The following MACF1 variants were observed in gnomAD, a reference collection of about 807,000 sequenced individuals.
MACF1 encodes the protein microtubule-actin cross-linking factor 1.
A neutral mutation model predicts 854.8 loss-of-function variants in MACF1; 193 were observed. The ratio of observed to expected loss-of-function variants is 0.23; its 90% CI spans 0.20 to 0.25. The LOEUF is 0.25. Ranked by LOEUF, MACF1 falls within the 10% of genes least tolerant of loss-of-function variation. MACF1 has a pLI of 1.00. For missense variants in MACF1, 7,722 were observed against 8,929.1 expected (o/e 0.86, Z 5.45); for synonymous variants, 3,185 against 3,226.7 (o/e 0.99, Z 0.44).
chr1:39,410,856 G>A, intron 58 of MACF1: 1 of 1,614,036 alleles, frequency 6.2e-7, no homozygotes, highest in Non-Finnish European at 8.5e-7. Flanking sequence ...TGGAACATGT[G>A]TCCAAATCCA....
chr1:39,236,566 C>G (rs544595862), intron 2 of MACF1, among the ~76,000 whole-genome samples: 1 of 152,248 alleles, frequency 6.6e-6, no homozygotes, highest in African/African-American at 2.4e-5. Flanking sequence ...TATCTTTCAG[C>G]TATATTATCA....
At chr1:39,304,251 C>G in intron 23 of MACF1, 1 of 457,476 alleles carries the variant, frequency 2.2e-6, no homozygotes, top group African/African-American at 2.1e-5. Flanking sequence ...TCTCATTGTT[C>G]AATTCCCACC....
At chr1:39,387,163 T>A in intron 57 of MACF1, 24 bp from the exon 58 acceptor site, 1 of 1,604,572 alleles carries the variant, frequency 6.2e-7, no homozygotes, top group African/African-American at 1.3e-5. Context: ...CTTTATTGAT[T>A]TCAATTTTAT....
chr1:39,248,683 C>A (rs892114243), intron 2 of MACF1, among the ~76,000 whole-genome samples: 4 of 152,132 alleles, frequency 2.6e-5, no homozygotes, highest in Non-Finnish European at 5.9e-5. Context: ...TATTAAAAAT[C>A]AATCTTCCTT....
chr1:39,263,809 TG>T (rs1645196684), intron 6 of MACF1, among the ~76,000 whole-genome samples: 2 of 138,892 alleles, frequency 1.4e-5, no homozygotes, highest in Admixed American at 1.5e-4. Context: ...AGTCTCACTC[TG>T]TCACCCAGGC....
At chr1:39,427,748 GA>G in intron 62 of MACF1, 134 bp downstream of exon 62, 1 of 1,017,724 alleles carries the variant, frequency 9.8e-7, no homozygotes. Flanking sequence ...TTATTAATTG[GA>G]AAAGTCACAT....
intron 2 of MACF1, among the ~76,000 whole-genome samples, chr1:39,232,758 T>G (rs1037764549): frequency 2.8e-5 from 4 of 142,894 alleles, no homozygotes; most frequent in African/African-American, 1.0e-4. Context: ...TTTTTTTTTT[T>G]TTTTTTTTTT....
intron 2 of MACF1, among the ~76,000 whole-genome samples, chr1:39,240,045 C>G (rs1211909483): frequency 6.6e-6 from 1 of 152,158 alleles, no homozygotes; most frequent in Non-Finnish European, 1.5e-5. Context: ...AGCCACCACA[C>G]CTGGCCCACT....
intron 58 of MACF1, among the ~76,000 whole-genome samples, chr1:39,399,397 T>A (rs112644472): frequency 1.2e-4 from 15 of 124,922 alleles, no homozygotes; most frequent in African/African-American, 4.8e-4. Context: ...TTTTTTGAGA[T>A]GGATTCTGGC....
At chr1:39,365,112 T>C (rs1648578670) in intron 49 of MACF1, among the ~76,000 whole-genome samples, 2 of 152,162 alleles carry the variant, frequency 1.3e-5, no homozygotes, top group Non-Finnish European at 2.9e-5. Context: ...AGTCTTGCTC[T>C]GTCACCGAGG....
At chr1:39,111,825 C>T (rs1267866552) in intron 2 of MACF1, among the ~76,000 whole-genome samples, 1 of 152,156 alleles carries the variant, frequency 6.6e-6, no homozygotes, top group African/African-American at 2.4e-5. Context: ...TTTGTTACTT[C>T]TGATGAAATA....
rs1646455867 is a variant in MACF1, at chr1:39,318,521, A to G, written c.3851A>G (p.Lys1284Arg). The change falls in exon 30 of 101, where the codon AAG (lysine) becomes AGG (arginine). Residue 1284 changes from lysine to arginine, a missense_variant. Transcript: ENST00000564288. Reference sequence around the variant, plus strand: ...CGAGCCTGCCATGGAACTCTCATCAAGTGGATTGAGGAAACCACTGCCCAG... The same window carrying G: ...CGAGCCTGCCATGGAACTCTCATCAGGTGGATTGAGGAAACCACTGCCCAG... ...DYRACHGTLIKWIEETTAQQE... is the reference protein window; with the variant it reads ...DYRACHGTLIRWIEETTAQQE... The G allele has an allele frequency of 6.2e-7, 1 of 1,613,982 alleles. No homozygotes were observed. Among genetic ancestry groups the G allele is most frequent in the South Asian group, 1.1e-5 (1 of 91,080 alleles).
chr1:39,084,520 G>C lies in MACF1; in HGVS notation c.220+82G>C. 8 of 1,184,638 alleles carry C rather than the reference G, an allele frequency of 6.8e-6. No individual in the cohort carries two copies. The highest frequency in any genetic ancestry group is 9.6e-6 in the Non-Finnish European group (8 of 829,884). 73.4% of individuals were successfully genotyped at this position (1,184,638 alleles called of 1,614,324 possible). On this transcript the variant is annotated intron_variant, in intron 2 of 93. Transcript: ENST00000361689. This position sits in a 1 kb window ranked among gnomAD's most constrained non-coding sequence, Gnocchi z 5.2. The stretch of plus-strand genomic sequence containing the variant: ...GGGCACAGCAGCTGTGTGGGGAGCC[G>C]AGGGGTCCTCACCAGGGCCTCTGAC...
intron 44 of MACF1, among the ~76,000 whole-genome samples, chr1:39,355,522 A>C (rs1480066618): frequency 8.2e-6 from 1 of 121,296 alleles, no homozygotes; most frequent in Non-Finnish European, 1.6e-5. Context: ...GCTGGAGTGC[A>C]GTGGCACAAT....
intron 94 of MACF1, 161 bp downstream of exon 94, chr1:39,463,847 AC>A (rs1644607308): frequency 5.1e-6 from 3 of 587,906 alleles, no homozygotes; most frequent in Non-Finnish European, 9.4e-6. Flanking sequence ...GTACCCTGTT[AC>A]ATCTGAAAAC....
chr1:39,412,752 C>T (rs751134823), intron 58 of MACF1: 17 of 1,613,018 alleles, frequency 1.1e-5, no homozygotes, highest in South Asian at 7.7e-5. Flanking sequence ...AATGGATACC[C>T]GTCCTCCAGA....
chr1:39,449,425 G>GTCTC (rs559795151), intron 84 of MACF1, among the ~76,000 whole-genome samples: 32 of 152,216 alleles, frequency 2.1e-4, no homozygotes, highest in South Asian at 1.9e-3. Context: ...TTGAGACAGA[G>GTCTC]TCTCACTCTG....
At chr1:39,329,624 G>A (rs905224639) in intron 36 of MACF1, among the ~76,000 whole-genome samples, 2 of 152,086 alleles carry the variant, frequency 1.3e-5, no homozygotes, top group Admixed American at 6.5e-5. Context: ...TGACCAAAGA[G>A]GGACAGATAA....
chr1:39,111,224 A>G (rs1023723144), intron 2 of MACF1, among the ~76,000 whole-genome samples: 7 of 152,034 alleles, frequency 4.6e-5, no homozygotes, highest in Admixed American at 2.0e-4. Flanking sequence ...TTTTTTGGAG[A>G]CAGGGTCACC....
Sources: allele counts gnomAD v4.1 joint callset (sites outside exome capture counted in the v4.1 genomes callset), GRCh38; gene constraint gnomAD v4.1.1; non-coding constraint Gnocchi (gnomAD v3.1); transcripts MANE v1.5; gene names NCBI Gene and HGNC (gene_info 2026-07-23, HGNC 2026-07-21).